Variants in OR10G3 observed in about 807,000 individuals in gnomAD.
OR10G3 encodes the protein olfactory receptor family 10 subfamily G member 3.
Under a neutral mutation model 13.4 loss-of-function variants are expected in OR10G3, and 8 were observed. The observed-to-expected ratio is 0.60, with a 90% CI of 0.35 to 1.08. The LOEUF is 1.08. Among genes scored for constraint, OR10G3 ranks in the 50% least tolerant of loss-of-function variants. The pLI is 0.02. For synonymous variants in OR10G3, 142 were observed against 156.1 expected (o/e 0.91, Z 0.67); for missense variants, 393 against 386.6 (o/e 1.02, Z -0.14).
chr14:21,574,846 G>A (rs537612308), intron 1 of OR10G3: 1 of 152,272 alleles, frequency 6.6e-6, no homozygotes, highest in Non-Finnish European at 1.5e-5. Flanking sequence ...AGCTACTTGG[G>A]AGGCTGAGAT....
In OR10G3 at chr14:21,570,033, C is replaced by A; in HGVS notation, c.712G>T (p.Ala238Ser). Reference protein sequence around the residue: ...RIHTADGRRRAFSTCGAHVTV... With the variant: ...RIHTADGRRRSFSTCGAHVTV... Reference sequence around the variant, plus strand: ...ACATGGGCTCCACAAGTTGAAAAAGCCCGGCGCCGCCCATCAGCTGTGTGG... The same window carrying A: ...ACATGGGCTCCACAAGTTGAAAAAGACCGGCGCCGCCCATCAGCTGTGTGG... Residue 238 changes from alanine (A) to serine (S), a missense_variant, in exon 2 of 2, where the codon GCT becomes TCT. Transcript: ENST00000641040. The A allele has an allele frequency of 6.2e-7, 1 of 1,614,218 alleles. No individual in the cohort carries two copies. The highest frequency in any genetic ancestry group is 1.3e-5 in the African/African-American group (1 of 75,058).
At position 21,570,379 on chromosome 14, in the gene OR10G3, G is replaced by C. The variant is rs545535741; in HGVS notation, c.366C>G (p.Asp122Glu). The change falls in exon 2 of 2, where the codon GAC (aspartate) becomes GAG (glutamate). Residue 122 changes from aspartate to glutamate, a missense_variant. Asp to Glu is a conservative substitution (Grantham distance 45). Transcript: ENST00000641040. ...GGGGCTGACATATTGCCAGGTACCT[G>C]TCATAGGCCATTAGGGTGTAGAGGA... Reference protein sequence around the residue: ...QCFLYTLMAYDRYLAICQPLR... With the variant: ...QCFLYTLMAYERYLAICQPLR... The C allele has an allele frequency of 3.7e-6, 6 of 1,614,194 alleles. No homozygotes were observed. Among genetic ancestry groups the C allele is most frequent in the Admixed American group, 1.7e-5 (1 of 60,022 alleles).
intron 1 of OR10G3, among the ~76,000 whole-genome samples, chr14:21,577,300 A>AT (rs960529362): frequency 1.1e-4 from 16 of 152,308 alleles, no homozygotes; most frequent in African/African-American, 3.6e-4. Context: ...GACCAGAGTG[A>AT]TAAAAAGTCA....
At chr14:21,571,224 C>T (rs1052098347) in intron 1 of OR10G3, among the ~76,000 whole-genome samples, 2 of 152,160 alleles carry the variant, frequency 1.3e-5, no homozygotes, top group African/African-American at 2.4e-5. Flanking sequence ...CAGAATCTTC[C>T]AGAGGCCACT....
Position 21,569,041 on chromosome 14 carries a change from T to A in OR10G3, c.*762A>T, listed in dbSNP as rs1007334278. ...GGACAGAACTAATGGGAAAAAAATA[T>A]ATATATATTTATATATATATAAAGG... On this transcript the variant is annotated 3_prime_UTR_variant, in exon 2 of 2. Transcript: ENST00000641040. 1 of 150,432 alleles carries A rather than the reference T, an allele frequency of 6.6e-6. No homozygotes were observed. Among genetic ancestry groups the A allele is most frequent in the African/African-American group, 2.4e-5 (1 of 41,074 alleles). 9.3% of individuals were successfully genotyped at this position (150,432 alleles called of 1,614,324 possible).
chr14:21,570,590 T>A lies in OR10G3; in HGVS notation c.155A>T (p.Asp52Val). ...NLLILITVWA[D>V]PRLHARPMYI... ...CATGGGGCGGGCATGGAGCCTTGGG[T>A]CTGCCCAGACAGTGATTAAAATAAG... The change falls in exon 2 of 2, where the codon GAC (aspartate) becomes GTC (valine). Residue 52 changes from aspartate (D) to valine (V), a missense_variant. Coordinates refer to ENST00000641040, the MANE Select transcript of OR10G3 (RefSeq NM_001005465.2). The A allele has an allele frequency of 6.2e-7, 1 of 1,614,034 alleles. No individual in the cohort carries two copies. Among genetic ancestry groups the A allele is most frequent in the Non-Finnish European group, 8.5e-7 (1 of 1,180,000 alleles).
chr14:21,570,671 G>T lies in OR10G3; in HGVS notation c.74C>A (p.Thr25Lys). Residue 25 changes from threonine (T) to lysine (K), a missense_variant, in exon 2 of 2, where the codon ACA (threonine) becomes AAA (lysine). Transcript: ENST00000641040. Reference sequence around the variant, plus strand: ...TAGAAAAAAGAACACAAAAAAGAGTGTCCTTAGCCTGAGTGGATACGGAAT... The same window carrying T: ...TAGAAAAAAGAACACAAAAAAGAGTTTCCTTAGCCTGAGTGGATACGGAAT... ...TGIPYPLRLRTLFFVFFFLIY... is the reference protein window; with the variant it reads ...TGIPYPLRLRKLFFVFFFLIY... 6.2e-7 allele frequency: 1 copy of T among 1,609,802 alleles called. No homozygotes were observed. Among genetic ancestry groups the T allele is most frequent in the Non-Finnish European group, 8.5e-7 (1 of 1,179,858 alleles).
chr14:21,577,889 C>A (rs1246585559), intron 1 of OR10G3, among the ~76,000 whole-genome samples: 1 of 152,096 alleles, frequency 6.6e-6, no homozygotes, highest in Non-Finnish European at 1.5e-5. Context: ...GTAATCCCAG[C>A]TACTCAGGAG....
At position 21,569,756 on chromosome 14, in the gene OR10G3, T is replaced by C. The variant is rs538090907; in HGVS notation, c.*47A>G. On this transcript the variant is annotated 3_prime_UTR_variant, in exon 2 of 2. Transcript: ENST00000641040. ...AAAAGTTACCGAAGCCTAAACATTA[T>C]AATAAATTCTAATTGTGGCAGCTTC... The C allele has an allele frequency of 6.7e-7, 1 of 1,482,412 alleles. No homozygotes were observed. The highest frequency in any genetic ancestry group is 1.4e-5 in the African/African-American group (1 of 71,122). 91.8% of individuals were successfully genotyped at this position (1,482,412 alleles called of 1,614,324 possible). A position where few individuals can be genotyped will look rare whatever the true frequency, so the allele number is the denominator to read the frequency against.
intron 1 of OR10G3, among the ~76,000 whole-genome samples, chr14:21,574,401 G>A (rs541256953): frequency 1.7e-4 from 26 of 151,542 alleles, no homozygotes; most frequent in African/African-American, 6.3e-4. Flanking sequence ...ACAGGGAAAT[G>A]TCAGGAGCTT....
rs974405992 is a variant in OR10G3 at position 21,569,804 on chromosome 14, C to T, written c.941G>A (p.Ter314=). ...TTCCCTAGTGGGAGAAAGACACTTT[C>T]AAACCTCACTCGGAGTTCTTGGGCT... ...LRSPRTPSEV[*] Residue 314 remains the stop codon, a stop_retained_variant, in exon 2 of 2, where the codon TGA becomes TAA. Transcript: ENST00000641040. 6 of 1,612,670 alleles carry T rather than the reference C, an allele frequency of 3.7e-6. No individual in the cohort carries two copies. The highest frequency in any genetic ancestry group is 5.1e-6 in the Non-Finnish European group (6 of 1,179,132).
chr14:21,570,376 C>G lies in OR10G3; in HGVS notation c.369G>C (p.Arg123Ser). Reference protein sequence around the residue: ...CFLYTLMAYDRYLAICQPLRY... With the variant: ...CFLYTLMAYDSYLAICQPLRY... Reference sequence around the variant, plus strand: ...GCAGGGGCTGACATATTGCCAGGTACCTGTCATAGGCCATTAGGGTGTAGA... The same window carrying G: ...GCAGGGGCTGACATATTGCCAGGTAGCTGTCATAGGCCATTAGGGTGTAGA... The change falls in exon 2 of 2, where the codon AGG (arginine) becomes AGC (serine). Residue 123 changes from arginine (R) to serine (S), a missense_variant. Physicochemically the swap from Arg to Ser is moderately radical, Grantham distance 110 (BLOSUM62 -1). Transcript: ENST00000641040. 2 of 1,614,142 alleles carry G rather than the reference C, an allele frequency of 1.2e-6. No individual in the cohort carries two copies. Among genetic ancestry groups the G allele is most frequent in the Non-Finnish European group, 1.7e-6 (2 of 1,180,024 alleles).
At chr14:21,579,113 G>T (rs1876831007) in intron 1 of OR10G3, among the ~76,000 whole-genome samples, 1 of 152,186 alleles carries the variant, frequency 6.6e-6, no homozygotes, top group African/African-American at 2.4e-5. Context: ...TTCCTAGTCT[G>T]GTTGGTATTA....
intron 1 of OR10G3, among the ~76,000 whole-genome samples, chr14:21,576,062 C>T (rs946783027): frequency 5.9e-5 from 9 of 152,098 alleles, no homozygotes; most frequent in Admixed American, 1.3e-4. Flanking sequence ...TGAAGGAGCT[C>T]AGGTGGCTGC....
At chr14:21,575,553 G>A (rs901282919) in intron 1 of OR10G3, among the ~76,000 whole-genome samples, 1 of 151,200 alleles carries the variant, frequency 6.6e-6, no homozygotes, top group African/African-American at 2.4e-5. Context: ...GCTAATTTTT[G>A]TATTTGTAGT....
chr14:21,579,604 G>A (rs1025943561), intron 1 of OR10G3, among the ~76,000 whole-genome samples, 182 bp downstream of exon 1: 1 of 152,150 alleles, frequency 6.6e-6, no homozygotes, highest in Non-Finnish European at 1.5e-5. Context: ...GAGCAGAACA[G>A]CAAAGAAAAT....
rs1234431459 is a variant in OR10G3 at position 21,569,728 on chromosome 14, GAA to G, written c.*73_*74del. On this transcript the variant is annotated 3_prime_UTR_variant, in exon 2 of 2. Transcript: ENST00000641040. ...TAAAAGAGAAAAAACAAGAAGAAAAGAAAAAAGTTACCGAAGCCTAAACATTA... is the reference window on the plus strand; with the variant it reads ...TAAAAGAGAAAAAACAAGAAGAAAAGAAAAGTTACCGAAGCCTAAACATTA... 8.1e-5 allele frequency: 102 copies of G among 1,259,642 alleles called. No individual in the cohort carries two copies. The highest frequency in any genetic ancestry group is 1.0e-4 in the Non-Finnish European group (93 of 909,580). 78.0% of individuals were successfully genotyped at this position (1,259,642 alleles called of 1,614,324 possible).
chr14:21,568,681 TAGTC>T lies in OR10G3; in HGVS notation c.*1118_*1121del, dbSNP rs1594488333. On this transcript the variant is annotated 3_prime_UTR_variant, in exon 2 of 2. Transcript: ENST00000641040. ...AGTCTTTTATCTTTCACCCCTGTGT[TAGTC>T]AGGGGTCTCTTTGTTTTTTTTTTTT... 6.7e-6 allele frequency: 1 copy of T among 149,780 alleles called. No individual in the cohort carries two copies. 9.3% of individuals were successfully genotyped at this position (149,780 alleles called of 1,614,324 possible).
chr14:21,575,932 G>A (rs745944166), intron 1 of OR10G3, among the ~76,000 whole-genome samples: 5 of 152,232 alleles, frequency 3.3e-5, no homozygotes, highest in Non-Finnish European at 7.3e-5. Context: ...TCTTCCAGAT[G>A]CCAGAGCTAC....
Sources: gnomAD v4.1 joint callset for allele counts (sites outside exome capture counted in the v4.1 genomes callset) on GRCh38, gnomAD v4.1.1 for gene constraint, MANE v1.5 for transcripts, NCBI Gene and HGNC (gene_info 2026-07-23, HGNC 2026-07-21) for gene names.